Variants in RBM4 observed in about 807,000 individuals in gnomAD.
The protein encoded by RBM4 is RNA binding motif protein 4.
Under a neutral mutation model 29.5 loss-of-function variants are expected in RBM4, and 7 were observed. The observed-to-expected ratio is 0.24, with a 90% CI of 0.14 to 0.45. The LOEUF (loss-of-function observed/expected upper bound fraction) is 0.45, where lower values mean the gene tolerates loss of function less well. Ranked by LOEUF, RBM4 falls within the 20% of genes least tolerant of loss-of-function variation. The probability of loss-of-function intolerance (pLI) is 1.00; values close to 1 mark genes in which losing one functional copy is unlikely to be tolerated. For synonymous variants in RBM4, 220 were observed against 205.4 expected (o/e 1.07, Z -0.61); for missense variants, 387 against 502.3 (o/e 0.77, Z 2.19).
chr11:66,644,105 C>A lies in RBM4; in HGVS notation c.1068C>A (p.Ala356=). The part of the protein sequence containing the change: ...DMARYEREQY[A]DRARYSAF The stretch of plus-strand genomic sequence containing the variant: ...CCCGGTATGAGCGGGAGCAGTATGC[C>A]GATCGGGCGCGGTACTCAGCCTTTT... Residue 356 remains alanine, a synonymous_variant, in exon 3 of 4, where the codon GCC becomes GCA. Coordinates refer to ENST00000310092, the MANE Select transcript of RBM4 (RefSeq NM_002896.4). 6.2e-7 allele frequency: 1 copy of A among 1,613,794 alleles called. No homozygotes were observed. The highest frequency in any genetic ancestry group is 8.5e-7 in the Non-Finnish European group (1 of 1,179,914).
intron 2 of RBM4, among the ~76,000 whole-genome samples, chr11:66,642,743 C>T (rs555814169): frequency 3.9e-5 from 6 of 152,244 alleles, no homozygotes; most frequent in African/African-American, 1.4e-4. Flanking sequence ...CCCTGTTTGC[C>T]TTTGACCCTA....
At chr11:66,661,374 TG>T (rs1278883683) in intron 2 of RBM4, among the ~76,000 whole-genome samples, 1 of 152,282 alleles carries the variant, frequency 6.6e-6, no homozygotes, top group East Asian at 1.9e-4. Flanking sequence ...GAAACCAATC[TG>T]GGGCAAGTTG....
At chr11:66,648,527 A>G (rs1938757254), downstream of RBM4, among the ~76,000 whole-genome samples, 1 of 150,270 alleles carries the variant, frequency 6.7e-6, no homozygotes, top group Admixed American at 6.6e-5. Flanking sequence ...TGTCTCAAAA[A>G]CTTTTTGCCA....
intron 2 of RBM4, among the ~76,000 whole-genome samples, chr11:66,657,266 A>G (rs979053568): frequency 6.6e-6 from 1 of 151,540 alleles, no homozygotes; most frequent in Non-Finnish European, 1.5e-5. Flanking sequence ...AGAGGTATGC[A>G]CCATTGCACC....
intron 2 of RBM4, among the ~76,000 whole-genome samples, chr11:66,663,842 G>C (rs1463908782): frequency 2.0e-5 from 3 of 151,982 alleles, no homozygotes; most frequent in Non-Finnish European, 1.5e-5. Context: ...CTGATGCAGG[G>C]CTTACTCCTA....
At chr11:66,642,522 A>T (rs1332159369) in intron 2 of RBM4, among the ~76,000 whole-genome samples, 1 of 152,196 alleles carries the variant, frequency 6.6e-6, no homozygotes, top group Non-Finnish European at 1.5e-5. Context: ...GCAAATTTTA[A>T]TTTTCAGGAA....
chr11:66,655,282 G>A (rs540716206), intron 2 of RBM4, among the ~76,000 whole-genome samples: 3 of 151,504 alleles, frequency 2.0e-5, no homozygotes, highest in East Asian at 1.9e-4. Flanking sequence ...CACTGCACTC[G>A]GCACTTCTTT....
In RBM4 at chr11:66,646,032, ATG is replaced by A. The variant is rs1938678043; in HGVS notation, c.*21_*22del. On this transcript the variant is annotated 3_prime_UTR_variant, in exon 4 of 4. Transcript: ENST00000310092. ...TGTATTGTGCTCTCTTTCAGGTGGG[ATG>A]TGTGTGGGCTGAAATTCCGAGCTGC... 1.3e-6 allele frequency: 2 copies of A among 1,536,064 alleles called. No individual in the cohort carries two copies. The highest frequency in any genetic ancestry group is 1.7e-6 in the Non-Finnish European group (2 of 1,146,902).
downstream of RBM4, among the ~76,000 whole-genome samples, chr11:66,647,255 G>A (rs1318168386): frequency 6.6e-6 from 1 of 152,206 alleles, no homozygotes; most frequent in African/African-American, 2.4e-5. Context: ...CCTACTGTAT[G>A]CCAGGCATTA....
downstream of RBM4, among the ~76,000 whole-genome samples, chr11:66,648,548 C>T (rs906424986): frequency 6.6e-6 from 1 of 150,992 alleles, no homozygotes; most frequent in African/African-American, 2.4e-5. Context: ...GGCGCGGTGG[C>T]TCACACCTGT....
chr11:66,652,068 G>A (rs1408957494), intron 2 of RBM4, among the ~76,000 whole-genome samples: 2 of 152,066 alleles, frequency 1.3e-5, no homozygotes, highest in Non-Finnish European at 2.9e-5. Context: ...ATGAAGTGGC[G>A]ATGGGTGGGT....
intron 2 of RBM4, among the ~76,000 whole-genome samples, chr11:66,641,689 C>T (rs1029960900): frequency 1.8e-4 from 27 of 152,158 alleles, no homozygotes; most frequent in Non-Finnish European, 3.2e-4. Context: ...TCCCCTGACA[C>T]TAACCTATGC....
intron 2 of RBM4, among the ~76,000 whole-genome samples, chr11:66,659,986 C>T (rs1939043324): frequency 6.6e-6 from 1 of 152,172 alleles, no homozygotes; most frequent in South Asian, 2.1e-4. Context: ...AAGTAAAATG[C>T]CCAATCCCTT....
In RBM4 at chr11:66,646,084, C is replaced by T. The variant is rs1206519018; in HGVS notation, c.*66C>T. 1 of 1,535,786 alleles carries T rather than the reference C, an allele frequency of 6.5e-7. No individual in the cohort carries two copies. The highest frequency in any genetic ancestry group is 8.7e-7 in the Non-Finnish European group (1 of 1,146,864). On this transcript the variant is annotated 3_prime_UTR_variant, in exon 4 of 4. Coordinates refer to ENST00000310092, the MANE Select transcript of RBM4 (RefSeq NM_002896.4). ...CGGTTGTGCATGAGAATACACCCTT[C>T]GTGGTACCCCATCTCCGGGACGTTC...
chr11:66,653,654 G>T (rs542636179), intron 2 of RBM4, among the ~76,000 whole-genome samples: 1 of 152,160 alleles, frequency 6.6e-6, no homozygotes, highest in East Asian at 1.9e-4. Context: ...GACCCACCGC[G>T]CCCAACCTTT....
chr11:66,656,669 G>A (rs1025159855), intron 2 of RBM4, among the ~76,000 whole-genome samples: 3 of 151,376 alleles, frequency 2.0e-5, no homozygotes, highest in Non-Finnish European at 4.4e-5. Flanking sequence ...CTTTTGTTTT[G>A]TTTTTTAAAA....
rs763179363 is a variant in RBM4, at chr11:66,643,844, C to T, written c.807C>T (p.Leu269=). ...CCAGTCACCTCACCTCCACCTCTCT[C>T]GATCCCTACGATAGACACCTGTTGC... ...AMASHLTSTS[L]DPYDRHLLPT... is the part of the protein sequence containing the mutation. Residue 269 remains leucine, a synonymous_variant, in exon 3 of 4, where the codon CTC becomes CTT. Transcript: ENST00000310092. This position sits in a 1 kb window ranked among gnomAD's most constrained non-coding sequence, Gnocchi z 6.1. The T allele has an allele frequency of 8.7e-6, 14 of 1,613,940 alleles. No individual in the cohort carries two copies. Among genetic ancestry groups the T allele is most frequent in the Admixed American group, 1.7e-5 (1 of 60,012 alleles).
intron 2 of RBM4, among the ~76,000 whole-genome samples, chr11:66,664,121 T>C (rs986123828): frequency 2.6e-5 from 4 of 151,436 alleles, no homozygotes; most frequent in Non-Finnish European, 4.4e-5. Context: ...GTCTCCCACT[T>C]CAGCCTCTTG....
chr11:66,666,929 A>G (rs1014386656), exon 3 of RBM4: 1 of 150,184 alleles, frequency 6.7e-6, no homozygotes, highest in Admixed American at 6.6e-5. Context: ...TTTTTTTTTA[A>G]GAGAGAGAGG....
Sources: gnomAD v4.1 joint callset for allele counts (sites outside exome capture counted in the v4.1 genomes callset) on GRCh38, gnomAD v4.1.1 for gene constraint, Gnocchi (gnomAD v3.1) non-coding constraint, MANE v1.5 for transcripts, NCBI Gene and HGNC (gene_info 2026-07-23, HGNC 2026-07-21) for gene names.